Variants in WFS1 observed in about 807,000 individuals in gnomAD.
The protein encoded by WFS1 is wolframin.
In WFS1, 90 loss-of-function variants were observed where a neutral mutation model predicts 68.5. That is an observed-to-expected ratio of 1.31 (90% CI 1.11 to 1.56). The LOEUF (loss-of-function observed/expected upper bound fraction) is 1.56. WFS1 is among the 40% of genes most tolerant of loss of function. The pLI, the probability that WFS1 is intolerant of heterozygous loss-of-function variation, is 0.00. For synonymous variants in WFS1, 860 were observed against 540.7 expected, an observed-to-expected ratio of 1.59 and a Z score of -8.19; for missense variants, 1,767 against 1,232.6, an observed-to-expected ratio of 1.43 and a Z score of -6.49.
In WFS1 at chr4:6,288,777, C is replaced by T. The variant is rs532882200; in HGVS notation, c.316-210C>T. ...CTCCCTCGCCGTGTGGATGGGGTGG[C>T]CACACCTTCCTCACCGTGTTTTGAG... On this transcript the variant is annotated intron_variant, in intron 3 of 7. Coordinates refer to ENST00000226760, the MANE Select transcript of WFS1 (RefSeq NM_006005.3). The T allele has an allele frequency of 3.0e-5, 21 of 694,058 alleles. No individual in the cohort carries two copies. The South Asian group carries it at 3.1e-4, about 10-fold the overall frequency. The allele number at this position is 694,058 out of a possible 1,614,324, so 43.0% of individuals were successfully genotyped here. A position where few individuals can be genotyped will look rare whatever the true frequency, so the allele number is the denominator to read the frequency against.
intron 7 of WFS1, among the ~76,000 whole-genome samples, chr4:6,297,029 A>G (rs970791327): frequency 6.6e-6 from 1 of 152,108 alleles, no homozygotes; most frequent in Non-Finnish European, 1.5e-5. Context: ...GGGTCTCACT[A>G]TTGTTATCTA....
chr4:6,301,323 T>C lies in WFS1; in HGVS notation c.1528T>C (p.Tyr510His). Residue 510 changes from tyrosine to histidine, a missense_variant, in exon 8 of 8, where the codon TAC (tyrosine) becomes CAC (histidine). Transcript: ENST00000226760. ...CAGCGTCCCGTGCCTGCTCTATGTC[T>C]ACCTGCTCTATCTCTTCTTCCGCAT... ...NVSVPCLLYV[Y>H]LLYLFFRMAQ... 6.2e-7 allele frequency: 1 copy of C among 1,611,734 alleles called. No homozygotes were observed. Among genetic ancestry groups the C allele is most frequent in the South Asian group, 1.1e-5 (1 of 91,076 alleles).
At chr4:6,298,314 T>C (rs1336780529) in intron 7 of WFS1, among the ~76,000 whole-genome samples, 2 of 152,122 alleles carry the variant, frequency 1.3e-5, no homozygotes, top group African/African-American at 4.8e-5. Flanking sequence ...AGTAGGTTGG[T>C]TTTCATAAAT....
intron 2 of WFS1, among the ~76,000 whole-genome samples, chr4:6,285,833 A>T (rs1445835386): frequency 6.6e-6 from 1 of 152,230 alleles, no homozygotes; most frequent in Non-Finnish European, 1.5e-5. Flanking sequence ...GTTACTGGGA[A>T]CCATGCAGCC....
Position 6,291,926 on chromosome 4 carries a change from C to T in WFS1, c.641C>T (p.Ala214Val), listed in dbSNP as rs750861249. ...ACCCTGTCCCCTGCAGATGGAGGGG[C>T]GCAGCCAGGCCCCGTGCCCAAGTCC... The part of the protein sequence containing the change: ...VGQVNEHDGG[A>V]QPGPVPKSLQ... Residue 214 changes from alanine (A) to valine (V), a missense_variant, in exon 6 of 8, where the codon GCG becomes GTG. By Grantham distance (64) the Ala-to-Val change is moderately conservative. Transcript: ENST00000226760. 2.7e-5 allele frequency: 43 copies of T among 1,610,142 alleles called. No individual in the cohort carries two copies. The Admixed American group carries it at 3.2e-4, about 12-fold the overall frequency.
In WFS1 at chr4:6,302,779, A is replaced by G. The variant is rs893341333; in HGVS notation, c.*311A>G. The G allele has an allele frequency of 2.0e-6, 1 of 488,846 alleles. No individual in the cohort carries two copies. Among genetic ancestry groups the G allele is most frequent in the Non-Finnish European group, 3.7e-6 (1 of 273,778 alleles). The allele number at this position is 488,846 out of a possible 1,614,324, so 30.3% of individuals were successfully genotyped here. ...TCCGGTGTCTGGAAAAGCACTTTAC[A>G]GATGAGATTCCCTCTCCTCCCCCAC... On this transcript the variant is annotated 3_prime_UTR_variant, in exon 8 of 8. Coordinates refer to ENST00000226760, the MANE Select transcript of WFS1 (RefSeq NM_006005.3).
intron 7 of WFS1, among the ~76,000 whole-genome samples, chr4:6,297,768 C>T (rs956790130): frequency 6.6e-6 from 1 of 152,142 alleles, no homozygotes; most frequent in Non-Finnish European, 1.5e-5. Flanking sequence ...TTTTCCATCT[C>T]AGGAGTTGAA....
rs1730350350 is a variant in WFS1 at position 6,287,612 on chromosome 4, T to C, written c.315+437T>C. Among the ~76,000 whole-genome samples, 2 of 152,242 alleles carry C rather than the reference T, an allele frequency of 1.3e-5. No individual in the cohort carries two copies. The highest frequency in any genetic ancestry group is 2.9e-5 in the Non-Finnish European group (2 of 68,050). Reference sequence around the variant, plus strand: ...TGGGCATCAGCCAAGGGCTGGGCTTTGTGCCAGTGCTGGGGACATGATGTG... The same window carrying C: ...TGGGCATCAGCCAAGGGCTGGGCTTCGTGCCAGTGCTGGGGACATGATGTG... On this transcript the variant is annotated intron_variant, in intron 3 of 7. Coordinates refer to ENST00000226760, the MANE Select transcript of WFS1 (RefSeq NM_006005.3). The surrounding 1 kb of genome is among the most constrained non-coding windows in gnomAD (Gnocchi z 6.4).
In WFS1 at chr4:6,301,634, G is replaced by A. The variant is rs143064649; in HGVS notation, c.1839G>A (p.Trp613Ter). The A allele has an allele frequency of 9.3e-6, 15 of 1,614,080 alleles. No individual in the cohort carries two copies. The highest frequency in any genetic ancestry group is 1.3e-5 in the Non-Finnish European group (15 of 1,179,998). ...GTGTGCCCCTGCTGTTGCGCTGGTG[G>A]ACCAAGGCCAGCTTCTCTGTGGTGG... ...VCSVPLLLRW[W>*]TKASFSVVGM... Residue 613 changes from tryptophan (W) to a stop codon, truncating the protein, a stop_gained, in exon 8 of 8, where the codon TGG (tryptophan) becomes TGA (stop). Transcript: ENST00000226760. LOFTEE classifies it high-confidence loss of function.
Position 6,276,905 on chromosome 4 carries a change from G to A in WFS1, c.-5-546G>A, listed in dbSNP as rs560315197. On this transcript the variant is annotated intron_variant, in intron 1 of 7. Transcript: ENST00000226760. ...TCCTTGGCCACTGTCACCCGTCTCC[G>A]CATGGCTCTGTTACACTTCTCTTCC... Among the ~76,000 whole-genome samples the A allele has an allele frequency of 5.3e-5, 8 of 152,312 alleles. No homozygotes were observed. In the East Asian group the frequency reaches 5.8e-4, roughly 11 times the overall value.
Position 6,292,678 on chromosome 4 carries a change from C to T in WFS1, c.712+681C>T, listed in dbSNP as rs1730499650. 1.3e-5 allele frequency among the ~76,000 whole-genome samples: 2 copies of T among 152,244 alleles called. No individual in the cohort carries two copies. Among genetic ancestry groups the T allele is most frequent in the East Asian group, 1.9e-4 (1 of 5,178 alleles). ...TCCTGTCCTGGAGAAGATAGACAGGCAGGAGGCTTGGGGGCTCAGTATCAA... is the reference window on the plus strand; with the variant it reads ...TCCTGTCCTGGAGAAGATAGACAGGTAGGAGGCTTGGGGGCTCAGTATCAA... On this transcript the variant is annotated intron_variant, in intron 6 of 7. Coordinates refer to ENST00000226760, the MANE Select transcript of WFS1 (RefSeq NM_006005.3).
intron 2 of WFS1, among the ~76,000 whole-genome samples, chr4:6,281,862 G>T (rs1174063133): frequency 6.6e-6 from 1 of 152,204 alleles, no homozygotes; most frequent in African/African-American, 2.4e-5. Flanking sequence ...ACCACACTGA[G>T]GACTGGCCAC....
intron 7 of WFS1, 147 bp from the exon 8 acceptor site, chr4:6,300,510 G>T (rs1730839190): frequency 3.2e-6 from 4 of 1,244,182 alleles, no homozygotes; most frequent in East Asian, 2.5e-5. Context: ...AGGGGGGAGG[G>T]AGGACCACTA....
intron 3 of WFS1, among the ~76,000 whole-genome samples, chr4:6,288,183 C>G (rs889963292): frequency 2.2e-4 from 33 of 150,436 alleles, no homozygotes; most frequent in African/African-American, 8.1e-4. Flanking sequence ...CACCACCACG[C>G]TCCCAACTGA....
intron 2 of WFS1, among the ~76,000 whole-genome samples, chr4:6,282,672 A>C (rs747980807): frequency 6.6e-6 from 1 of 152,168 alleles, no homozygotes; most frequent in Non-Finnish European, 1.5e-5. Context: ...CTTTGGGAAA[A>C]TTTTGTGCAT....
At chr4:6,294,058 A>C (rs1730554246) in intron 6 of WFS1, among the ~76,000 whole-genome samples, 1 of 152,134 alleles carries the variant, frequency 6.6e-6, no homozygotes, top group Non-Finnish European at 1.5e-5. Flanking sequence ...CCTCTTGCAC[A>C]CACAGCTGAT....
chr4:6,293,805 T>C (rs1444486576), intron 6 of WFS1, among the ~76,000 whole-genome samples: 1 of 152,134 alleles, frequency 6.6e-6, no homozygotes, highest in African/African-American at 2.4e-5. Context: ...GATGTGTGGG[T>C]GGCATTGGTG....
chr4:6,270,970 C>T (rs912062615), intron 1 of WFS1, among the ~76,000 whole-genome samples: 3 of 152,196 alleles, frequency 2.0e-5, no homozygotes, highest in Non-Finnish European at 2.9e-5. Flanking sequence ...GAAGCAGCCC[C>T]GTCTCTCCTC....
At position 6,295,135 on chromosome 4, in the gene WFS1, AGAT is replaced by A; in HGVS notation, c.813_815del (p.Asp272del). On this transcript the variant is annotated inframe_deletion, in exon 7 of 8. Transcript: ENST00000226760. ...GCAGCCTGTTCCTGCAGGACGACGAAGATGATGACGAGCTGGCGGGGAAGAGCC... is the reference window on the plus strand; with the variant it reads ...GCAGCCTGTTCCTGCAGGACGACGAAGATGACGAGCTGGCGGGGAAGAGCC... 6.2e-7 allele frequency: 1 copy of A among 1,613,086 alleles called. No homozygotes were observed. Among genetic ancestry groups the A allele is most frequent in the Non-Finnish European group, 8.5e-7 (1 of 1,180,032 alleles).
Sources: gnomAD v4.1 joint callset for allele counts (sites outside exome capture counted in the v4.1 genomes callset) on GRCh38, gnomAD v4.1.1 for gene constraint, Gnocchi (gnomAD v3.1) non-coding constraint, MANE v1.5 for transcripts, NCBI Gene and HGNC (gene_info 2026-07-23, HGNC 2026-07-21) for gene names.